NKAIN2: variants seen among roughly 807,000 people sequenced by gnomAD.
NKAIN2 encodes sodium/potassium transporting ATPase interacting 2.
NKAIN2 carries 14 observed loss-of-function variants against 32.6 expected under a neutral mutation model. The ratio of observed to expected loss-of-function variants is 0.43; its 90% CI spans 0.28 to 0.67. The LOEUF (loss-of-function observed/expected upper bound fraction) is 0.67. Ranked by LOEUF, NKAIN2 falls within the 30% of genes least tolerant of loss-of-function variation. The probability of loss-of-function intolerance (pLI) is 0.17; values close to 1 mark genes in which losing one functional copy is unlikely to be tolerated. For synonymous variants in NKAIN2, 80 were observed against 87.2 expected (o/e 0.92, Z 0.46); for missense variants, 198 against 258.3 (o/e 0.77, Z 1.60).
intron 1 of NKAIN2, among the ~76,000 whole-genome samples, chr6:124,162,252 TA>T (rs1788318827): frequency 1.3e-5 from 2 of 152,038 alleles, no homozygotes; most frequent in Non-Finnish European, 2.9e-5. Context: ...CCAACACACA[TA>T]GTATGCGCTC....
chr6:123,957,661 A>G (rs1777657470), intron 1 of NKAIN2, among the ~76,000 whole-genome samples: 1 of 152,194 alleles, frequency 6.6e-6, no homozygotes, highest in Non-Finnish European at 1.5e-5. Context: ...TTACAAATAT[A>G]TTAATCCAGC....
chr6:124,445,731 A>G (rs1775862284), intron 3 of NKAIN2, among the ~76,000 whole-genome samples: 2 of 151,708 alleles, frequency 1.3e-5, no homozygotes, highest in Admixed American at 1.3e-4. Context: ...TGGGACATTA[A>G]AAGGGAAAAG....
intron 3 of NKAIN2, among the ~76,000 whole-genome samples, chr6:124,467,870 A>G (rs987794274): frequency 2.0e-5 from 3 of 152,124 alleles, no homozygotes; most frequent in African/African-American, 7.2e-5. Context: ...ACTGAAAAAG[A>G]ATTTATATTC....
intron 2 of NKAIN2, among the ~76,000 whole-genome samples, chr6:124,339,577 T>G (rs913427612): frequency 6.6e-6 from 1 of 152,162 alleles, no homozygotes; most frequent in African/African-American, 2.4e-5. Flanking sequence ...ATCCTCATCA[T>G]CAATTTCTTT....
At chr6:124,074,527 G>T (rs912673799) in intron 1 of NKAIN2, among the ~76,000 whole-genome samples, 4 of 152,074 alleles carry the variant, frequency 2.6e-5, no homozygotes, top group African/African-American at 9.7e-5. Flanking sequence ...CATTACTAGG[G>T]GTCCTCCCAG....
intron 5 of NKAIN2, among the ~76,000 whole-genome samples, chr6:124,803,094 A>C (rs1258438219): frequency 6.6e-6 from 1 of 152,158 alleles, no homozygotes; most frequent in East Asian, 1.9e-4. Context: ...TCTCCTGCTC[A>C]ACCATGCTTC....
chr6:124,747,877 T>G (rs1777516255), intron 4 of NKAIN2, among the ~76,000 whole-genome samples: 1 of 151,854 alleles, frequency 6.6e-6, no homozygotes, highest in Non-Finnish European at 1.5e-5. Context: ...TCCTGACTCT[T>G]CCCTTTCTTC....
chr6:124,664,793 CAAAAAAAAAAAAAAAAAA>C (rs57032378), intron 4 of NKAIN2, among the ~76,000 whole-genome samples: 45 of 40,804 alleles, frequency 1.1e-3, no homozygotes, highest in South Asian at 8.5e-3. Flanking sequence ...GACTCCGTCT[CAAAAAAAAAAAAAAAAAA>C]AAAAAAAAAA....
intron 1 of NKAIN2, among the ~76,000 whole-genome samples, chr6:124,032,934 G>A (rs114739900): frequency 4.0e-5 from 6 of 151,486 alleles, no homozygotes; most frequent in African/African-American, 4.8e-5. Context: ...TATTTTATGC[G>A]GGATTTTGTT....
At chr6:124,117,059 T>C (rs1785650469) in intron 1 of NKAIN2, among the ~76,000 whole-genome samples, 1 of 152,070 alleles carries the variant, frequency 6.6e-6, no homozygotes, top group Admixed American at 6.6e-5. Context: ...CTTTGAATTA[T>C]TAACCTTTCT....
intron 1 of NKAIN2, among the ~76,000 whole-genome samples, chr6:123,830,118 G>C (rs1774315694): frequency 1.3e-5 from 2 of 152,074 alleles, no homozygotes; most frequent in South Asian, 4.2e-4. Flanking sequence ...ATTTGGTCTT[G>C]TGTAGTTTGC....
chr6:124,589,582 C>T (rs1403575927), intron 3 of NKAIN2, among the ~76,000 whole-genome samples: 1 of 152,168 alleles, frequency 6.6e-6, no homozygotes, highest in African/African-American at 2.4e-5. Flanking sequence ...TGACAAGATA[C>T]ATACATCTCA....
intron 1 of NKAIN2, among the ~76,000 whole-genome samples, chr6:124,199,455 T>A (rs1358554488): frequency 2.0e-5 from 3 of 152,146 alleles, no homozygotes; most frequent in Non-Finnish European, 4.4e-5. Context: ...TCATTCTCAC[T>A]CCTAAATTAT....
intron 1 of NKAIN2, among the ~76,000 whole-genome samples, chr6:124,116,267 C>T (rs13220639): frequency 0.031 from 4,789 of 152,154 alleles, 120 homozygotes; most frequent in Non-Finnish European, 0.047. Context: ...CAGCAGTTTG[C>T]TCTAAGTTGC....
intron 1 of NKAIN2, among the ~76,000 whole-genome samples, chr6:124,004,901 A>T (rs201772245): frequency 4.2e-5 from 2 of 47,654 alleles, no homozygotes; most frequent in Non-Finnish European, 7.9e-5. Flanking sequence ...AAAAGAAAGT[A>T]AAAAAAAAAA....
At chr6:124,630,289 G>C (rs1336441772) in intron 3 of NKAIN2, among the ~76,000 whole-genome samples, 1 of 151,986 alleles carries the variant, frequency 6.6e-6, no homozygotes. Context: ...GTCAAAGGAA[G>C]GATTATTCAG....
intron 3 of NKAIN2, among the ~76,000 whole-genome samples, chr6:124,506,770 A>C (rs1346346553): frequency 6.6e-6 from 1 of 152,208 alleles, no homozygotes. Context: ...AGCTAGTTAG[A>C]CTTCTTATGA....
chr6:124,604,487 A>C (rs1193275196), intron 3 of NKAIN2, among the ~76,000 whole-genome samples: 1 of 151,630 alleles, frequency 6.6e-6, no homozygotes, highest in African/African-American at 2.4e-5. Context: ...CATCTTTTCT[A>C]TTCTCCTTTT....
chr6:124,631,172 C>G (rs1269776265), intron 3 of NKAIN2, among the ~76,000 whole-genome samples: 1 of 152,078 alleles, frequency 6.6e-6, no homozygotes, highest in East Asian at 1.9e-4. Context: ...GTTTTTGATA[C>G]TTCTAAAGAG....
Sources: allele counts gnomAD v4.1 joint callset (sites outside exome capture counted in the v4.1 genomes callset), GRCh38; gene constraint gnomAD v4.1.1; transcripts MANE v1.5; gene names NCBI Gene and HGNC (gene_info 2026-07-23, HGNC 2026-07-21).